Variants in MAGI1 observed in about 807,000 individuals in gnomAD.
MAGI1 encodes membrane-associated guanylate kinase, WW and PDZ domain-containing protein 1.
A neutral mutation model predicts 139.9 loss-of-function variants in MAGI1; 58 were observed. The observed-to-expected ratio is 0.41, with a 90% CI of 0.34 to 0.52. The LOEUF is 0.52. Ranked by LOEUF, MAGI1 falls within the 20% of genes least tolerant of loss-of-function variation. The pLI, the probability that MAGI1 is intolerant of heterozygous loss-of-function variation, is 0.12. For missense variants in MAGI1, 1,874 were observed against 1,901.6 expected (o/e 0.99, Z 0.27); for synonymous variants, 812 against 737.9 (o/e 1.10, Z -1.63).
chr3:65,598,857 T>G (rs961269269), intron 2 of MAGI1, among the ~76,000 whole-genome samples: 2 of 152,208 alleles, frequency 1.3e-5, no homozygotes, highest in East Asian at 3.9e-4. Context: ...TTCATCCACC[T>G]TAGTGAGAAA....
At chr3:65,462,768 T>C (rs573239139) in intron 5 of MAGI1, among the ~76,000 whole-genome samples, 106 of 152,336 alleles carry the variant, frequency 7.0e-4, no homozygotes, top group African/African-American at 2.4e-3. Flanking sequence ...TGTTTTTCCA[T>C]TTATTTGTGT....
At chr3:65,939,226 TA>T (rs977997028) in intron 1 of MAGI1, among the ~76,000 whole-genome samples, 1 of 152,026 alleles carries the variant, frequency 6.6e-6, no homozygotes, top group Non-Finnish European at 1.5e-5. Context: ...TTCCCTTTTT[TA>T]AAAAAAATGC....
intron 21 of MAGI1, among the ~76,000 whole-genome samples, chr3:65,362,434 G>A (rs1282805449): frequency 6.6e-6 from 1 of 151,996 alleles, no homozygotes; most frequent in Non-Finnish European, 1.5e-5. Context: ...AAAAAAATAT[G>A]TACCACCATG....
chr3:65,391,093 G>A, intron 14 of MAGI1, 49 bp downstream of exon 14: 1 of 1,471,352 alleles, frequency 6.8e-7, no homozygotes, highest in Non-Finnish European at 9.5e-7. Context: ...GAGAAAGGTA[G>A]AGCCCTGCGG....
chr3:65,590,468 T>C (rs1258608415), intron 2 of MAGI1, among the ~76,000 whole-genome samples: 1 of 152,238 alleles, frequency 6.6e-6, no homozygotes, highest in African/African-American at 2.4e-5. Flanking sequence ...CTTAACTATC[T>C]TGGTTGTGCC....
chr3:65,972,963 G>A (rs1230490498), intron 1 of MAGI1, among the ~76,000 whole-genome samples: 1 of 152,016 alleles, frequency 6.6e-6, no homozygotes, highest in Non-Finnish European at 1.5e-5. Flanking sequence ...ACCTCCTGGT[G>A]GTTACCAACT....
intron 6 of MAGI1, among the ~76,000 whole-genome samples, chr3:65,448,789 G>A (rs1266435568): frequency 6.6e-6 from 1 of 151,922 alleles, no homozygotes; most frequent in Non-Finnish European, 1.5e-5. Context: ...ATTTCAGGGA[G>A]CAAAACAAGT....
At chr3:65,878,967 T>C (rs977204753) in intron 1 of MAGI1, among the ~76,000 whole-genome samples, 1 of 152,134 alleles carries the variant, frequency 6.6e-6, no homozygotes, top group African/African-American at 2.4e-5. Context: ...CTGACTTCCT[T>C]TCACCTGCCC....
chr3:65,605,639 G>A (rs2082703658), intron 2 of MAGI1, among the ~76,000 whole-genome samples: 1 of 152,054 alleles, frequency 6.6e-6, no homozygotes, highest in African/African-American at 2.4e-5. Context: ...GCATGCTGAA[G>A]GGCTTTCAGC....
chr3:65,356,727 C>G lies in MAGI1; in HGVS notation c.4040G>C (p.Arg1347Pro). 1.3e-6 allele frequency: 2 copies of G among 1,593,428 alleles called. No individual in the cohort carries two copies. The highest frequency in any genetic ancestry group is 1.3e-5 in the African/African-American group (1 of 74,274). Residue 1347 changes from arginine (R) to proline (P), a missense_variant, in exon 23 of 23, where the codon CGA becomes CCA. By Grantham distance (103) the Arg-to-Pro change is moderately radical. Coordinates refer to ENST00000402939, the MANE Select transcript of MAGI1 (RefSeq NM_001033057.2). The stretch of plus-strand genomic sequence containing the variant: ...TCGCCTCCGCTCCGGAGAGACGTCT[C>G]GTCTCTTCTCGTGCTTCTCCCTCCT... ...LERREKHEKRRDVSPERRRER... is the reference protein window; with the variant it reads ...LERREKHEKRPDVSPERRRER...
chr3:65,962,938 GCA>G (rs2064521034), intron 1 of MAGI1, among the ~76,000 whole-genome samples: 1 of 123,708 alleles, frequency 8.1e-6, no homozygotes, highest in Admixed American at 8.3e-5. Flanking sequence ...TCAAGTGTCA[GCA>G]AAAAAAAAAA....
intron 1 of MAGI1, among the ~76,000 whole-genome samples, chr3:65,926,929 A>G (rs2062556437): frequency 6.6e-6 from 1 of 152,146 alleles, no homozygotes; most frequent in South Asian, 2.1e-4. Context: ...CAGGAGGCGG[A>G]GTTTGCAGTG....
intron 2 of MAGI1, among the ~76,000 whole-genome samples, chr3:65,584,447 C>T (rs901793459): frequency 2.0e-5 from 3 of 152,150 alleles, no homozygotes; most frequent in Non-Finnish European, 4.4e-5. Flanking sequence ...TAGACCTGAG[C>T]GATAAGCAGT....
intron 1 of MAGI1, among the ~76,000 whole-genome samples, chr3:65,793,543 T>G (rs1277017559): frequency 6.6e-6 from 1 of 152,240 alleles, no homozygotes; most frequent in East Asian, 1.9e-4. Flanking sequence ...AAAGTATTTA[T>G]AAGCAGTTGA....
intron 1 of MAGI1, among the ~76,000 whole-genome samples, chr3:65,746,935 A>G (rs1004810890): frequency 6.6e-6 from 1 of 152,178 alleles, no homozygotes; most frequent in African/African-American, 2.4e-5. Context: ...TAGTACAAGC[A>G]CATGTAATGG....
intron 1 of MAGI1, among the ~76,000 whole-genome samples, chr3:65,987,956 G>A (rs1487828752): frequency 6.6e-6 from 1 of 152,188 alleles, no homozygotes; most frequent in Non-Finnish European, 1.5e-5. Flanking sequence ...GACTGCCCCT[G>A]CACTTGCATG....
At chr3:65,574,259 A>G (rs2081084302) in intron 2 of MAGI1, among the ~76,000 whole-genome samples, 1 of 151,174 alleles carries the variant, frequency 6.6e-6, no homozygotes, top group Non-Finnish European at 1.5e-5. Context: ...ATATACATAC[A>G]TATATGTAAA....
chr3:65,387,938 G>T (rs748310835), intron 14 of MAGI1, among the ~76,000 whole-genome samples: 8 of 152,160 alleles, frequency 5.3e-5, no homozygotes, highest in Admixed American at 2.0e-4. Flanking sequence ...TAGTGAACAG[G>T]CAAAGTTTCA....
intron 11 of MAGI1, among the ~76,000 whole-genome samples, chr3:65,430,349 A>G (rs1283062784): frequency 6.6e-6 from 1 of 152,102 alleles, no homozygotes; most frequent in East Asian, 1.9e-4. Flanking sequence ...GAATGTAATA[A>G]TCACTCACAG....
Sources: allele counts gnomAD v4.1 joint callset (sites outside exome capture counted in the v4.1 genomes callset), GRCh38; gene constraint gnomAD v4.1.1; transcripts MANE v1.5; gene names NCBI Gene and HGNC (gene_info 2026-07-23, HGNC 2026-07-21).